Variants in LRMDA observed in about 807,000 individuals in gnomAD.
LRMDA encodes the protein leucine rich melanocyte differentiation associated.
Under a neutral mutation model 29.8 loss-of-function variants are expected in LRMDA, and 18 were observed. The ratio of observed to expected loss-of-function variants is 0.60; its 90% CI spans 0.42 to 0.90. The LOEUF is 0.90. Among genes scored for constraint, LRMDA ranks in the 40% least tolerant of loss-of-function variants. LRMDA has a pLI of 0.00. For missense variants in LRMDA, 273 were observed against 273.9 expected (o/e 1.00, Z 0.02); for synonymous variants, 125 against 109.4 (o/e 1.14, Z -0.89).
At chr10:76,166,159 A>G (rs554120815) in intron 5 of LRMDA, among the ~76,000 whole-genome samples, 3 of 152,260 alleles carry the variant, frequency 2.0e-5, no homozygotes, top group African/African-American at 7.2e-5. Context: ...TAACTTCCAC[A>G]CATATTTATG....
chr10:76,465,923 T>C (rs1842560566), intron 6 of LRMDA, among the ~76,000 whole-genome samples: 1 of 152,144 alleles, frequency 6.6e-6, no homozygotes. Context: ...ACACCAGTTA[T>C]ATGGGATTAG....
At chr10:76,315,623 G>A (rs941081038) in intron 5 of LRMDA, among the ~76,000 whole-genome samples, 3 of 151,828 alleles carry the variant, frequency 2.0e-5, no homozygotes, top group East Asian at 3.9e-4. Context: ...AGCAGCCCAG[G>A]GGGTGCTGAG....
At chr10:76,474,378 T>A (rs753197936) in intron 6 of LRMDA, among the ~76,000 whole-genome samples, 6 of 151,552 alleles carry the variant, frequency 4.0e-5, no homozygotes, top group Non-Finnish European at 1.5e-5. Flanking sequence ...ATAAGTAAAT[T>A]GGACTTCCTC....
chr10:76,280,663 G>A (rs1004058952), intron 5 of LRMDA, among the ~76,000 whole-genome samples: 2 of 152,022 alleles, frequency 1.3e-5, no homozygotes, highest in African/African-American at 2.4e-5. Flanking sequence ...TTCTAGCAAG[G>A]TGCCCTAAAC....
intron 5 of LRMDA, among the ~76,000 whole-genome samples, chr10:76,081,994 G>T (rs1007990142): frequency 2.6e-5 from 4 of 152,124 alleles, no homozygotes; most frequent in Admixed American, 6.5e-5. Context: ...GTAGTTCTTT[G>T]CAATTCCAAA....
intron 2 of LRMDA, chr10:75,782,866 C>T: frequency 6.4e-7 from 1 of 1,568,948 alleles, no homozygotes; most frequent in Non-Finnish European, 8.7e-7. Flanking sequence ...TTTCCCTTGC[C>T]CCCAAAGCCG....
intron 2 of LRMDA, among the ~76,000 whole-genome samples, chr10:75,949,091 TA>T (rs1272673764): frequency 1.3e-5 from 2 of 151,954 alleles, no homozygotes; most frequent in Admixed American, 6.6e-5. Flanking sequence ...CTCCTTCTTT[TA>T]AAAAAAATTG....
chr10:75,996,715 G>GT lies in LRMDA; in HGVS notation c.132-39285dup, dbSNP rs552977026. Reference sequence around the variant, plus strand: ...AGGACTATGATTTCTAAAATTACGTGTTTTTTTTGTTTGTTTGGTGTTTTT... The same window carrying GT: ...AGGACTATGATTTCTAAAATTACGTGTTTTTTTTTGTTTGTTTGGTGTTTTT... On this transcript the variant is annotated intron_variant, in intron 2 of 6. Transcript: ENST00000611255. Among the ~76,000 whole-genome samples the GT allele has an allele frequency of 1.0e-4, 15 of 149,900 alleles. No homozygotes were observed. In the South Asian group the frequency reaches 1.5e-3, roughly 15 times the overall value.
chr10:75,500,671 T>G (rs1317815801), intron 2 of LRMDA, among the ~76,000 whole-genome samples: 2 of 152,108 alleles, frequency 1.3e-5, no homozygotes, highest in Non-Finnish European at 2.9e-5. Context: ...CTCAGGAAAC[T>G]TACAATCATG....
chr10:75,560,712 A>C (rs1235360742), intron 2 of LRMDA, among the ~76,000 whole-genome samples: 1 of 150,418 alleles, frequency 6.6e-6, no homozygotes, highest in Non-Finnish European at 1.5e-5. Flanking sequence ...TGTCCCATCA[A>C]TACCTAGTTT....
chr10:75,996,827 G>T (rs1847473648), intron 2 of LRMDA, among the ~76,000 whole-genome samples: 1 of 151,540 alleles, frequency 6.6e-6, no homozygotes, highest in African/African-American at 2.4e-5. Context: ...CCGCCTCCTG[G>T]GTTCACGCCA....
rs139913312 is a variant in LRMDA, at chr10:75,778,700, A to G, written c.132-257308A>G. 1.1e-4 allele frequency among the ~76,000 whole-genome samples: 17 copies of G among 152,352 alleles called. 1 individual carries two copies. In the East Asian group the frequency reaches 3.3e-3, roughly 29 times the overall value. On this transcript the variant is annotated intron_variant, in intron 2 of 6. Transcript: ENST00000611255. Reference sequence around the variant, plus strand: ...AACTCTCATGAAATATTTAAGAGCAACACTCACCTGGTTAAAGAGATTAGT... The same window carrying G: ...AACTCTCATGAAATATTTAAGAGCAGCACTCACCTGGTTAAAGAGATTAGT...
intron 2 of LRMDA, among the ~76,000 whole-genome samples, chr10:75,598,738 G>A (rs1042308888): frequency 2.0e-5 from 3 of 152,080 alleles, no homozygotes; most frequent in African/African-American, 7.2e-5. Flanking sequence ...TCTTTCTTAC[G>A]CATACCTAGT....
intron 6 of LRMDA, among the ~76,000 whole-genome samples, chr10:76,538,203 A>T (rs1264140651): frequency 6.6e-6 from 1 of 151,910 alleles, no homozygotes; most frequent in Non-Finnish European, 1.5e-5. Flanking sequence ...CTATATGATG[A>T]TAAAGAGACA....
At chr10:76,540,570 C>A (rs555237435) in intron 6 of LRMDA, among the ~76,000 whole-genome samples, 1 of 152,264 alleles carries the variant, frequency 6.6e-6, no homozygotes, top group African/African-American at 2.4e-5. Context: ...TCGGTGGAAT[C>A]AAATACACAG....
rs1407944853 is a variant in LRMDA, at chr10:76,221,376, T to C, written c.517-103025T>C. On this transcript the variant is annotated intron_variant, in intron 5 of 6. Transcript: ENST00000611255. The stretch of plus-strand genomic sequence containing the variant: ...ATGATTGTACATCTAGAAAACCCCA[T>C]TGTCTCAGCCCAAAATCTACTTAAG... 2.6e-5 allele frequency among the ~76,000 whole-genome samples: 4 copies of C among 152,356 alleles called. No individual in the cohort carries two copies. In the South Asian group the frequency reaches 6.2e-4, roughly 24 times the overall value.
intron 2 of LRMDA, among the ~76,000 whole-genome samples, chr10:75,740,330 C>T (rs1317316931): frequency 6.6e-6 from 1 of 152,116 alleles, no homozygotes; most frequent in Non-Finnish European, 1.5e-5. Context: ...GGGAATGGCT[C>T]CTGGGAACAC....
chr10:76,453,158 G>A (rs1446200585), intron 6 of LRMDA, among the ~76,000 whole-genome samples: 1 of 152,166 alleles, frequency 6.6e-6, no homozygotes, highest in African/African-American at 2.4e-5. Context: ...TTCCCTGCAG[G>A]GCACAGTTCC....
At chr10:76,022,526 G>A (rs1462990903) in intron 2 of LRMDA, among the ~76,000 whole-genome samples, 2 of 152,184 alleles carry the variant, frequency 1.3e-5, no homozygotes, top group Admixed American at 1.3e-4. Flanking sequence ...TAGGGCCAAG[G>A]CACCATATCA....
Sources: gnomAD v4.1 joint callset for allele counts (sites outside exome capture counted in the v4.1 genomes callset) on GRCh38, gnomAD v4.1.1 for gene constraint, MANE v1.5 for transcripts, NCBI Gene and HGNC (gene_info 2026-07-23, HGNC 2026-07-21) for gene names.